Variants in HDAC4 observed in about 807,000 individuals in gnomAD.
The protein encoded by HDAC4 is histone deacetylase A.
A neutral mutation model predicts 135.1 loss-of-function variants in HDAC4; 16 were observed. The ratio of observed to expected loss-of-function variants is 0.12; its 90% CI spans 0.08 to 0.18. The LOEUF is 0.18. HDAC4 is among the 10% of genes least tolerant of loss of function. The probability of loss-of-function intolerance (pLI) is 1.00; values close to 1 mark genes in which losing one functional copy is unlikely to be tolerated. For synonymous variants in HDAC4, 685 were observed against 653.4 expected, an observed-to-expected ratio of 1.05 and a Z score of -0.74; for missense variants, 1,143 against 1,511.8, an observed-to-expected ratio of 0.76 and a Z score of 4.05.
chr2:239,054,997 G>A (rs1038514128), intron 24 of HDAC4, among the ~76,000 whole-genome samples, 164 bp from the exon 25 acceptor site: 2 of 113,104 alleles, frequency 1.8e-5, no homozygotes, highest in African/African-American at 7.5e-5. Flanking sequence ...ATGTGCCGTG[G>A]TATTTATAAT....
Position 239,051,857 on chromosome 2 carries a change from A to G in HDAC4, c.*1240T>C, listed in dbSNP as rs974623990. The G allele has an allele frequency of 6.6e-6, 1 of 151,550 alleles. No homozygotes were observed. Among genetic ancestry groups the G allele is most frequent in the Non-Finnish European group, 1.5e-5 (1 of 67,908 alleles). 9.4% of individuals were successfully genotyped at this position (151,550 alleles called of 1,614,324 possible). A position where few individuals can be genotyped will look rare whatever the true frequency, so the allele number is the denominator to read the frequency against. Reference sequence around the variant, plus strand: ...CAATCTGCATTCATTTTATATATATATATATACTTTTTCTATAAATGCATT... The same window carrying G: ...CAATCTGCATTCATTTTATATATATGTATATACTTTTTCTATAAATGCATT... On this transcript the variant is annotated 3_prime_UTR_variant, in exon 27 of 27. Coordinates refer to ENST00000543185, the MANE Select transcript of HDAC4 (RefSeq NM_001378414.1).
Position 239,089,311 on chromosome 2 carries a change from A to AT in HDAC4, c.2388+697dup, listed in dbSNP as rs532908849. 5.9e-3 allele frequency among the ~76,000 whole-genome samples: 895 copies of AT among 152,090 alleles called. 14 individuals carry two copies. Among genetic ancestry groups the AT allele is most frequent in the African/African-American group, 0.021 (854 of 41,454 alleles). On this transcript the variant is annotated intron_variant, in intron 18 of 26. Coordinates refer to ENST00000543185, the MANE Select transcript of HDAC4 (RefSeq NM_001378414.1). Reference sequence around the variant, plus strand: ...CAGGCAAGACATTAGTGCTATTTTTATTTTTTTATTACTTTTTAATTTTTT... The same window carrying AT: ...CAGGCAAGACATTAGTGCTATTTTTATTTTTTTTATTACTTTTTAATTTTTT...
chr2:239,067,583 C>T (rs975456517), intron 23 of HDAC4, among the ~76,000 whole-genome samples: 3 of 152,204 alleles, frequency 2.0e-5, no homozygotes, highest in African/African-American at 4.8e-5. Context: ...CGCGGTGCTC[C>T]GGGCCGGGTG....
intron 2 of HDAC4, among the ~76,000 whole-genome samples, chr2:239,246,948 C>T (rs982430092): frequency 6.6e-6 from 1 of 152,276 alleles, no homozygotes; most frequent in Admixed American, 6.5e-5. Context: ...ACCTGGCATG[C>T]ACCGTGTGCA....
intron 1 of HDAC4, among the ~76,000 whole-genome samples, chr2:239,359,528 T>C (rs1693729865): frequency 6.6e-6 from 1 of 152,176 alleles, no homozygotes; most frequent in African/African-American, 2.4e-5. Context: ...GGGTCTAGGA[T>C]AGGCCGAGAT....
chr2:239,071,100 G>A (rs2034152754), intron 22 of HDAC4, among the ~76,000 whole-genome samples: 1 of 152,112 alleles, frequency 6.6e-6, no homozygotes, highest in Non-Finnish European at 1.5e-5. Context: ...CAGAAGCATT[G>A]TTGTGGAGGA....
At chr2:239,184,026 A>G (rs2044323946) in intron 4 of HDAC4, among the ~76,000 whole-genome samples, 1 of 143,280 alleles carries the variant, frequency 7.0e-6, no homozygotes, top group Admixed American at 7.2e-5. Flanking sequence ...ATGGACACAC[A>G]CACACACACA....
rs1205063363 is a variant in HDAC4, at chr2:239,303,785, T to G, written c.22+48893A>C. Among the ~76,000 whole-genome samples the G allele has an allele frequency of 2.0e-5, 3 of 152,134 alleles. No individual in the cohort carries two copies. The highest frequency in any genetic ancestry group is 7.2e-5 in the African/African-American group (3 of 41,422). On this transcript the variant is annotated intron_variant, in intron 2 of 26. Transcript: ENST00000543185. This position sits in a 1 kb window ranked among gnomAD's most constrained non-coding sequence, Gnocchi z 5.1. ...GCGACTGCGACAGCTGCATCCCCCG[T>G]GCTCAACTGCAGGGCGCGGCACTCG...
chr2:239,088,328 C>T (rs1011396376), intron 18 of HDAC4, among the ~76,000 whole-genome samples: 2 of 152,242 alleles, frequency 1.3e-5, no homozygotes, highest in African/African-American at 4.8e-5. Context: ...GCCGGCCAAC[C>T]ATGAGTGACA....
At chr2:239,132,896 G>A (rs979838173) in intron 11 of HDAC4, among the ~76,000 whole-genome samples, 2 of 152,134 alleles carry the variant, frequency 1.3e-5, no homozygotes, top group Non-Finnish European at 2.9e-5. Context: ...ACCCACACTC[G>A]TGCCAGCTGA....
At chr2:239,370,766 G>A (rs80168928) in intron 1 of HDAC4, among the ~76,000 whole-genome samples, 1 of 152,194 alleles carries the variant, frequency 6.6e-6, no homozygotes, top group Admixed American at 6.5e-5. Flanking sequence ...ACTGGACTTG[G>A]GCTTGAAAAC....
At chr2:239,226,667 G>A (rs940471811) in intron 3 of HDAC4, among the ~76,000 whole-genome samples, 7 of 152,040 alleles carry the variant, frequency 4.6e-5, no homozygotes, top group African/African-American at 1.5e-4. Context: ...ACATGTAATG[G>A]GGGGGGTGAT....
Position 239,139,772 on chromosome 2 carries a change from C to T in HDAC4, c.890G>A (p.Gly297Asp). The T allele has an allele frequency of 6.2e-7, 1 of 1,614,086 alleles. No homozygotes were observed. Among genetic ancestry groups the T allele is most frequent in the East Asian group, 2.2e-5 (1 of 44,878 alleles). ...GTTGTTGGGTGAGCTGGGTCCGGAG[C>T]CTGGGGCGCTGCTGCACGCGGAGTC... is the stretch of plus-strand genomic sequence containing the variant. ...VTDSACSSAPGSGPSSPNNSS... is the reference protein window; with the variant it reads ...VTDSACSSAPDSGPSSPNNSS... Residue 297 changes from glycine (G) to aspartate (D), a missense_variant, in exon 9 of 27, where the codon GGC becomes GAC. This residue lies in a region of HDAC4 where 272 missense variants were observed against 309.7 expected (regional missense o/e 0.88). Transcript: ENST00000543185. This position sits in a 1 kb window ranked among gnomAD's most constrained non-coding sequence, Gnocchi z 5.3.
At chr2:239,108,325 C>G in intron 14 of HDAC4, 142 bp from the exon 15 acceptor site, 2 of 1,099,896 alleles carry the variant, frequency 1.8e-6, no homozygotes, top group Non-Finnish European at 2.7e-6. Flanking sequence ...AGAAAAATAC[C>G]ACGTTTGCCA....
chr2:239,134,388 C>T lies in HDAC4; in HGVS notation c.1151G>A (p.Arg384Lys). 1 of 1,613,922 alleles carries T rather than the reference C, an allele frequency of 6.2e-7. No individual in the cohort carries two copies. The highest frequency in any genetic ancestry group is 8.5e-7 in the Non-Finnish European group (1 of 1,179,976). ...GTGGGTGCCGGGGAAAAGGGAGAGC[C>T]TCTGCTGGAGGGCGGGAAGGGTGAG... ...ERLTLPALQQ[R>K]LSLFPGTHLT... is the part of the protein sequence containing the mutation. The change falls in exon 11 of 27, where the codon AGG (arginine) becomes AAG (lysine). Residue 384 changes from arginine to lysine, a missense_variant. Transcript: ENST00000543185.
chr2:239,226,419 T>G (rs2047243852), intron 3 of HDAC4, among the ~76,000 whole-genome samples: 1 of 152,146 alleles, frequency 6.6e-6, no homozygotes, highest in Non-Finnish European at 1.5e-5. Context: ...GCCACATAGC[T>G]TTCTCTCTCC....
intron 2 of HDAC4, among the ~76,000 whole-genome samples, chr2:239,239,009 C>T (rs2048037803): frequency 6.6e-6 from 1 of 152,226 alleles, no homozygotes; most frequent in Non-Finnish European, 1.5e-5. Flanking sequence ...CCTGCGTAAA[C>T]CAGACCTTGA....
At chr2:239,190,187 G>T (rs1214099571) in intron 3 of HDAC4, 110 bp from the exon 4 acceptor site, 9 of 1,399,818 alleles carry the variant, frequency 6.4e-6, no homozygotes, top group Non-Finnish European at 7.6e-6. Context: ...GGGGGGGGTT[G>T]TGACCATTTG....
intron 2 of HDAC4, among the ~76,000 whole-genome samples, chr2:239,296,351 C>G (rs1486521332): frequency 6.6e-6 from 1 of 152,260 alleles, no homozygotes. Context: ...TCTCTGCAGA[C>G]AGTGGCACAG....
Sources: gnomAD v4.1 joint callset for allele counts (sites outside exome capture counted in the v4.1 genomes callset) on GRCh38, gnomAD v4.1.1 for gene constraint, gnomAD v4.1.1 regional missense constraint, Gnocchi (gnomAD v3.1) non-coding constraint, MANE v1.5 for transcripts, NCBI Gene and HGNC (gene_info 2026-07-23, HGNC 2026-07-21) for gene names.